LEPR: variants seen among roughly 807,000 people sequenced by gnomAD.
LEPR encodes leptin receptor, also known as OB receptor.
A neutral mutation model predicts 114.7 loss-of-function variants in LEPR; 56 were observed. The ratio of observed to expected loss-of-function variants is 0.49; its 90% CI spans 0.39 to 0.61. The LOEUF is 0.61. Ranked by LOEUF, LEPR falls within the 20% of genes least tolerant of loss-of-function variation. LEPR has a pLI of 0.00. For missense variants in LEPR, 1,202 were observed against 1,352.9 expected, an observed-to-expected ratio of 0.89 and a Z score of 1.75; for synonymous variants, 443 against 461.4, an observed-to-expected ratio of 0.96 and a Z score of 0.51.
chr1:65,443,657 G>C (rs1204430867), intron 2 of LEPR, among the ~76,000 whole-genome samples: 1 of 151,960 alleles, frequency 6.6e-6, no homozygotes, highest in Non-Finnish European at 1.5e-5. Context: ...GCCACATCTC[G>C]GTCTTCTTTT....
chr1:65,455,867 G>A (rs543301938), intron 2 of LEPR, among the ~76,000 whole-genome samples: 32 of 152,272 alleles, frequency 2.1e-4, no homozygotes, highest in Non-Finnish European at 2.8e-4. Flanking sequence ...AATGGTGGGC[G>A]CCCCTCCCCC....
intron 2 of LEPR, among the ~76,000 whole-genome samples, chr1:65,555,073 C>G (rs529983806): frequency 5.9e-5 from 9 of 152,070 alleles, no homozygotes; most frequent in Non-Finnish European, 1.3e-4. Flanking sequence ...TGAGATGAGC[C>G]GGGTACCTCA....
intron 19 of LEPR, among the ~76,000 whole-genome samples, chr1:65,623,907 T>C (rs1191371501): frequency 1.3e-5 from 2 of 152,150 alleles, no homozygotes; most frequent in Non-Finnish European, 2.9e-5. Context: ...CACAGAGCCT[T>C]CCTTGTACAT....
chr1:65,427,931 A>G (rs1384544203), intron 2 of LEPR: 1 of 178,154 alleles, frequency 5.6e-6, no homozygotes, highest in African/African-American at 2.4e-5. Flanking sequence ...AACCAGGATT[A>G]TCATCTATAT....
chr1:65,435,104 T>C (rs989069077), intron 2 of LEPR: 23 of 985,238 alleles, frequency 2.3e-5, no homozygotes, highest in Non-Finnish European at 2.8e-5. Context: ...AGGATAGCAA[T>C]ATTTTGGGAC....
At chr1:65,617,586 G>A (rs1657608846) in intron 15 of LEPR, among the ~76,000 whole-genome samples, 1 of 152,202 alleles carries the variant, frequency 6.6e-6, no homozygotes, top group South Asian at 2.1e-4. Flanking sequence ...TCCGCTGGAG[G>A]CTTTTAAGTG....
chr1:65,500,263 A>G (rs1311969402), intron 2 of LEPR, among the ~76,000 whole-genome samples: 1 of 152,112 alleles, frequency 6.6e-6, no homozygotes, highest in Non-Finnish European at 1.5e-5. Flanking sequence ...CAGTGTGAAA[A>G]CAGACTAATA....
chr1:65,496,481 G>A (rs558278835), intron 2 of LEPR, among the ~76,000 whole-genome samples: 1 of 152,274 alleles, frequency 6.6e-6, no homozygotes, highest in South Asian at 2.1e-4. Flanking sequence ...GGAGGCTGAG[G>A]TTGGAGGATG....
At chr1:65,422,933 G>T (rs1158509821) in intron 1 of LEPR, among the ~76,000 whole-genome samples, 1 of 152,162 alleles carries the variant, frequency 6.6e-6, no homozygotes, top group African/African-American at 2.4e-5. Flanking sequence ...GATTGGAAGA[G>T]TCACAGAGGC....
intron 2 of LEPR, chr1:65,433,087 A>G: frequency 1.0e-6 from 1 of 985,336 alleles, no homozygotes; most frequent in Non-Finnish European, 1.2e-6. Flanking sequence ...CCCCTGCGTT[A>G]GCAGGAGGGG....
At chr1:65,572,196 A>G in intron 4 of LEPR, 130 bp from the exon 5 acceptor site, 1 of 1,206,352 alleles carries the variant, frequency 8.3e-7, no homozygotes, top group Non-Finnish European at 1.1e-6. Context: ...CTCTCAGAAT[A>G]GGCAATGGAA....
intron 16 of LEPR, among the ~76,000 whole-genome samples, chr1:65,618,797 T>C (rs767805236): frequency 6.6e-6 from 1 of 152,224 alleles, no homozygotes; most frequent in Non-Finnish European, 1.5e-5. Context: ...CCACTTAAAC[T>C]GTTTGAGATT....
At chr1:65,608,233 C>CTT (rs1281303028) in intron 11 of LEPR, among the ~76,000 whole-genome samples, 7 of 134,054 alleles carry the variant, frequency 5.2e-5, no homozygotes, top group East Asian at 2.2e-4. Flanking sequence ...AGCATGGTAT[C>CTT]TTTTTTTTTT....
intron 2 of LEPR, among the ~76,000 whole-genome samples, chr1:65,528,138 G>A (rs934311020): frequency 9.7e-5 from 14 of 144,762 alleles, no homozygotes; most frequent in African/African-American, 3.6e-4. Context: ...GGAGGTCTTG[G>A]AAATAAATAC....
At chr1:65,529,803 T>G (rs1364490441) in intron 2 of LEPR, among the ~76,000 whole-genome samples, 1 of 152,194 alleles carries the variant, frequency 6.6e-6, no homozygotes, top group Non-Finnish European at 1.5e-5. Flanking sequence ...AAACAGTCCC[T>G]TACTGACTTC....
chr1:65,517,134 G>A (rs1237525086), intron 2 of LEPR, among the ~76,000 whole-genome samples: 5 of 152,078 alleles, frequency 3.3e-5, no homozygotes, highest in African/African-American at 1.2e-4. Context: ...AATGGGATAC[G>A]GTGTATAAAG....
At chr1:65,497,015 T>TA (rs1251188305) in intron 2 of LEPR, among the ~76,000 whole-genome samples, 2 of 147,430 alleles carry the variant, frequency 1.4e-5, no homozygotes, top group African/African-American at 5.2e-5. Flanking sequence ...CACACACACA[T>TA]ATATGTATTT....
chr1:65,520,640 A>G (rs1400000366), intron 2 of LEPR, among the ~76,000 whole-genome samples: 2 of 150,556 alleles, frequency 1.3e-5, no homozygotes, highest in East Asian at 3.9e-4. Flanking sequence ...AGACACACAC[A>G]CAGAAATATT....
intron 2 of LEPR, among the ~76,000 whole-genome samples, chr1:65,452,522 A>C (rs1646801537): frequency 6.6e-6 from 1 of 152,176 alleles, no homozygotes; most frequent in African/African-American, 2.4e-5. Context: ...CCTTTTCTGC[A>C]TCTATTGAGA....
Sources: allele counts gnomAD v4.1 joint callset (sites outside exome capture counted in the v4.1 genomes callset), GRCh38; gene constraint gnomAD v4.1.1; transcripts MANE v1.5; gene names NCBI Gene and HGNC (gene_info 2026-07-23, HGNC 2026-07-21).